The following TRIO variants were observed in gnomAD, a reference collection of about 807,000 sequenced individuals.
TRIO encodes trio Rho guanine nucleotide exchange factor, also known as triple functional domain protein.
TRIO carries 58 observed loss-of-function variants against 351.9 expected under a neutral mutation model. That is an observed-to-expected ratio of 0.16 (90% confidence interval 0.13 to 0.21). The LOEUF is 0.21. Among genes scored for constraint, TRIO ranks in the 10% least tolerant of loss-of-function variants. TRIO has a pLI of 1.00. For missense variants in TRIO, 3,201 were observed against 4,027.8 expected (o/e 0.79, Z 5.56); for synonymous variants, 1,758 against 1,595.7 (o/e 1.10, Z -2.42).
chr5:14,485,289 T>G, intron 47 of TRIO, 43 bp downstream of exon 47: 1 of 1,516,654 alleles, frequency 6.6e-7, no homozygotes, highest in South Asian at 1.3e-5. Context: ...TCTTTCCTCG[T>G]GTACTCACTT....
chr5:14,434,275 C>T (rs1337637446), intron 34 of TRIO, among the ~76,000 whole-genome samples: 2 of 152,156 alleles, frequency 1.3e-5, no homozygotes, highest in Non-Finnish European at 2.9e-5. Flanking sequence ...TTTTGTCCCA[C>T]AAAAGTATGT....
chr5:14,229,992 A>G (rs1793302243), intron 1 of TRIO, among the ~76,000 whole-genome samples: 1 of 152,184 alleles, frequency 6.6e-6, no homozygotes, highest in South Asian at 2.1e-4. Context: ...CTAATGAAGG[A>G]CTTGTGACCA....
intron 1 of TRIO, among the ~76,000 whole-genome samples, chr5:14,207,302 A>T (rs371237555): frequency 6.8e-4 from 9 of 13,142 alleles, no homozygotes; most frequent in East Asian, 9.4e-3. Context: ...GCCAGGTAGC[A>T]TAGCAAGACT....
At chr5:14,182,952 G>A (rs1200992789) in intron 1 of TRIO, among the ~76,000 whole-genome samples, 5 of 152,026 alleles carry the variant, frequency 3.3e-5, no homozygotes, top group African/African-American at 1.2e-4. Flanking sequence ...AGGCCTGGCT[G>A]TAGCGCATCA....
At chr5:14,216,851 T>G (rs1792258430) in intron 1 of TRIO, among the ~76,000 whole-genome samples, 1 of 152,250 alleles carries the variant, frequency 6.6e-6, no homozygotes, top group Admixed American at 6.5e-5. Flanking sequence ...ATCAAATCCT[T>G]GTAATAGCTT....
chr5:14,172,461 C>CAA (rs1789154953), intron 1 of TRIO, among the ~76,000 whole-genome samples: 1 of 152,192 alleles, frequency 6.6e-6, no homozygotes, highest in South Asian at 2.1e-4. Context: ...AAGTGGCAGT[C>CAA]AGAGTGTTGA....
chr5:14,420,409 A>C lies in TRIO; in HGVS notation c.5203+388A>C, dbSNP rs144547156. ...GGTTAGTCATTCCAGGGAGCTAATG[A>C]AGCTGCAAGAGAAAACAGCTACTGA... On this transcript the variant is annotated intron_variant, in intron 34 of 56. Coordinates refer to ENST00000344204, the MANE Select transcript of TRIO (RefSeq NM_007118.4). 373 of 183,180 alleles carry C rather than the reference A, an allele frequency of 2.0e-3. 1 individual carries two copies. Among genetic ancestry groups the C allele is most frequent in the African/African-American group, 8.6e-3 (366 of 42,502 alleles). 11.3% of individuals were successfully genotyped at this position (183,180 alleles called of 1,614,324 possible).
chr5:14,364,860 C>G, intron 15 of TRIO, 44 bp downstream of exon 15: 1 of 1,564,926 alleles, frequency 6.4e-7, no homozygotes, highest in Non-Finnish European at 8.6e-7. Flanking sequence ...GCTACAGATG[C>G]TTGATACCTC....
At chr5:14,363,072 T>G (rs552021874) in intron 13 of TRIO, among the ~76,000 whole-genome samples, 1 of 151,782 alleles carries the variant, frequency 6.6e-6, no homozygotes, top group South Asian at 2.1e-4. Flanking sequence ...CATCTCAGCT[T>G]ACTGCAACCT....
At chr5:14,436,637 G>A (rs1751610306) in intron 34 of TRIO, among the ~76,000 whole-genome samples, 1 of 152,222 alleles carries the variant, frequency 6.6e-6, no homozygotes, top group South Asian at 2.1e-4. Flanking sequence ...TAGATACGAT[G>A]GGGGTATAGA....
intron 19 of TRIO, 21 bp downstream of exon 19, chr5:14,374,364 C>G (rs571430788): frequency 1.3e-6 from 2 of 1,599,476 alleles, no homozygotes; most frequent in Non-Finnish European, 1.7e-6. Flanking sequence ...CTGGGAGTCT[C>G]CAGGGGTGGC....
intron 34 of TRIO, among the ~76,000 whole-genome samples, chr5:14,438,308 A>G (rs919884379): frequency 7.9e-5 from 12 of 152,008 alleles, no homozygotes; most frequent in Non-Finnish European, 1.3e-4. Context: ...TTCTGACATC[A>G]TTTCCTGACC....
At chr5:14,379,693 C>T (rs1203742961) in intron 20 of TRIO, among the ~76,000 whole-genome samples, 1 of 152,172 alleles carries the variant, frequency 6.6e-6, no homozygotes, top group African/African-American at 2.4e-5. Flanking sequence ...AAAGACAATC[C>T]CTCAGCTATA....
intron 28 of TRIO, among the ~76,000 whole-genome samples, chr5:14,395,479 A>G (rs1382803219): frequency 6.6e-6 from 1 of 152,234 alleles, no homozygotes; most frequent in Non-Finnish European, 1.5e-5. Context: ...GTTCTTCAGG[A>G]GAACAGTGAT....
intron 1 of TRIO, among the ~76,000 whole-genome samples, chr5:14,208,586 T>C (rs985843627): frequency 9.9e-5 from 15 of 152,250 alleles, no homozygotes; most frequent in Non-Finnish European, 1.8e-4. Flanking sequence ...AGCCTGAAGA[T>C]GTCTCTGTGC....
chr5:14,227,346 A>G (rs1793111611), intron 1 of TRIO, among the ~76,000 whole-genome samples: 1 of 152,216 alleles, frequency 6.6e-6, no homozygotes, highest in African/African-American at 2.4e-5. Context: ...GACGTTTGTG[A>G]TAAAGGACAG....
chr5:14,276,569 G>C (rs979178693), intron 2 of TRIO, among the ~76,000 whole-genome samples: 1 of 152,230 alleles, frequency 6.6e-6, no homozygotes, highest in Non-Finnish European at 1.5e-5. Flanking sequence ...CTTGGCAAAG[G>C]CTGCTTTTTA....
intron 34 of TRIO, among the ~76,000 whole-genome samples, chr5:14,460,742 A>G (rs1391004230): frequency 6.6e-6 from 1 of 152,218 alleles, no homozygotes; most frequent in Non-Finnish European, 1.5e-5. Flanking sequence ...TCTGGCTGAT[A>G]ACGATGCTGG....
intron 2 of TRIO, among the ~76,000 whole-genome samples, chr5:14,274,953 G>T (rs183102314): frequency 4.7e-4 from 72 of 152,218 alleles, no homozygotes; most frequent in Non-Finnish European, 1.5e-4. Flanking sequence ...AAGAGCCCTG[G>T]TTCCTTTTAG....
Sources: gnomAD v4.1 joint callset for allele counts (sites outside exome capture counted in the v4.1 genomes callset) on GRCh38, gnomAD v4.1.1 for gene constraint, MANE v1.5 for transcripts, NCBI Gene and HGNC (gene_info 2026-07-23, HGNC 2026-07-21) for gene names.